The following SLC27A6 variants were observed in gnomAD, a reference collection of about 807,000 sequenced individuals.
SLC27A6 encodes the protein long-chain fatty acid transport protein 6.
Under a neutral mutation model 63.9 loss-of-function variants are expected in SLC27A6, and 74 were observed. The ratio of observed to expected loss-of-function variants is 1.16; its 90% CI spans 0.96 to 1.40. The LOEUF is 1.40. SLC27A6 is among the 40% of genes most tolerant of loss of function. The probability of loss-of-function intolerance (pLI) is 0.00; values close to 1 mark genes in which losing one functional copy is unlikely to be tolerated. For missense variants in SLC27A6, 794 were observed against 732.9 expected (o/e 1.08, Z -0.96); for synonymous variants, 287 against 260.8 (o/e 1.10, Z -0.97).
intron 4 of SLC27A6, among the ~76,000 whole-genome samples, chr5:129,006,254 C>A (rs925334514): frequency 6.6e-6 from 1 of 151,244 alleles, no homozygotes; most frequent in African/African-American, 2.4e-5. Flanking sequence ...CCGTGCCCGC[C>A]TAATTTTTTG....
At chr5:129,028,619 C>T (rs1283400768) in intron 8 of SLC27A6, among the ~76,000 whole-genome samples, 177 bp downstream of exon 8, 2 of 149,836 alleles carry the variant, frequency 1.3e-5, no homozygotes, top group African/African-American at 4.9e-5. Flanking sequence ...ATGATCACAT[C>T]AGGGGAAAGG....
At chr5:129,011,698 G>A (rs1283380691) in intron 4 of SLC27A6, among the ~76,000 whole-genome samples, 11 of 152,156 alleles carry the variant, frequency 7.2e-5, no homozygotes, top group Admixed American at 6.5e-4. Context: ...TACATCTGTA[G>A]CATAGGTCTG....
intron 1 of SLC27A6, among the ~76,000 whole-genome samples, chr5:128,972,017 T>C (rs992078098): frequency 6.6e-6 from 1 of 152,190 alleles, no homozygotes; most frequent in Non-Finnish European, 1.5e-5. Flanking sequence ...CTCCTTCACT[T>C]ATGAAGCTTA....
chr5:129,020,986 G>T (rs561358991), intron 5 of SLC27A6, among the ~76,000 whole-genome samples: 3 of 151,860 alleles, frequency 2.0e-5, no homozygotes, highest in African/African-American at 7.2e-5. Context: ...GGTGCCAAAT[G>T]GGGACGCTCA....
chr5:128,970,693 T>C (rs1412792104), intron 1 of SLC27A6, among the ~76,000 whole-genome samples: 2 of 151,240 alleles, frequency 1.3e-5, no homozygotes, highest in East Asian at 1.9e-4. Flanking sequence ...ATTTTGTTGA[T>C]CGTTTCAGAA....
chr5:129,014,920 A>T (rs1045717936), intron 4 of SLC27A6, among the ~76,000 whole-genome samples: 2 of 152,134 alleles, frequency 1.3e-5, no homozygotes, highest in African/African-American at 2.4e-5. Context: ...ACTTCTCTCT[A>T]TTCTTGAGAA....
At chr5:128,986,926 G>T (rs1382835064) in intron 2 of SLC27A6, among the ~76,000 whole-genome samples, 4 of 152,098 alleles carry the variant, frequency 2.6e-5, no homozygotes, top group Admixed American at 6.6e-5. Context: ...TGGGTACCAG[G>T]TACCTCAAAG....
chr5:129,032,234 T>C (rs888200276), intron 9 of SLC27A6, among the ~76,000 whole-genome samples: 2 of 152,008 alleles, frequency 1.3e-5, no homozygotes, highest in African/African-American at 4.8e-5. Context: ...AGTATTTAGG[T>C]CTAACAAATG....
chr5:129,004,655 T>G (rs951408332), intron 4 of SLC27A6, among the ~76,000 whole-genome samples: 2 of 152,172 alleles, frequency 1.3e-5, no homozygotes, highest in Non-Finnish European at 2.9e-5. Context: ...GAATAGAGAT[T>G]TATTCTAAAG....
intron 5 of SLC27A6, 38 bp downstream of exon 5, chr5:129,016,117 G>A (rs1751882951): frequency 2.1e-6 from 3 of 1,450,858 alleles, no homozygotes; most frequent in South Asian, 1.3e-5. Flanking sequence ...AAATACATCG[G>A]TGCGGTGGCT....
chr5:128,992,125 G>C (rs1330854193), intron 4 of SLC27A6, among the ~76,000 whole-genome samples: 1 of 139,636 alleles, frequency 7.2e-6, no homozygotes, highest in East Asian at 2.0e-4. Context: ...TGCCCTACGT[G>C]GGGTGGGGCA....
chr5:128,987,545 A>G (rs761978107), intron 2 of SLC27A6, among the ~76,000 whole-genome samples: 4 of 152,168 alleles, frequency 2.6e-5, no homozygotes, highest in Non-Finnish European at 4.4e-5. Context: ...TAGAGAGGAG[A>G]AATTTTCAAA....
chr5:128,988,367 G>GT (rs2150135610), intron 2 of SLC27A6, among the ~76,000 whole-genome samples: 1 of 152,268 alleles, frequency 6.6e-6, no homozygotes, highest in Admixed American at 6.5e-5. Context: ...ATTACATAGC[G>GT]TTTGAGATAC....
chr5:129,018,058 C>A (rs1041387678), intron 5 of SLC27A6, among the ~76,000 whole-genome samples: 1 of 152,104 alleles, frequency 6.6e-6, no homozygotes, highest in African/African-American at 2.4e-5. Flanking sequence ...TAATCTCTCT[C>A]CTCAGGTGTG....
rs187171718 is a variant in SLC27A6 at position 128,992,600 on chromosome 5, T to C, written c.969+2136T>C. ...TTCCAGATAAATGTTTTACATTTTT[T>C]AAATATTTTTCTCTTCAAGGAGACC... On this transcript the variant is annotated intron_variant, in intron 4 of 9. Transcript: ENST00000262462. Among the ~76,000 whole-genome samples the C allele has an allele frequency of 2.0e-5, 3 of 152,204 alleles. No individual in the cohort carries two copies. In the East Asian group the frequency reaches 5.8e-4, roughly 29 times the overall value.
chr5:128,969,840 C>T (rs996034646), intron 1 of SLC27A6, among the ~76,000 whole-genome samples: 5 of 152,116 alleles, frequency 3.3e-5, no homozygotes, highest in East Asian at 1.9e-4. Context: ...CTGTCTTGTG[C>T]CAGTTTTCAA....
At chr5:128,996,128 A>C (rs1356336547) in intron 4 of SLC27A6, among the ~76,000 whole-genome samples, 1 of 152,214 alleles carries the variant, frequency 6.6e-6, no homozygotes, top group African/African-American at 2.4e-5. Flanking sequence ...TACAAAAGAC[A>C]GGACCTAATT....
rs192963434 is a variant in SLC27A6, at chr5:128,979,196, G to A, written c.482-5937G>A. On this transcript the variant is annotated intron_variant, in intron 1 of 9. Transcript: ENST00000262462. Reference sequence around the variant, plus strand: ...CTTTTGCTCAGGTCTCTTCATTTGAGATTTGTTGTATGGAGGGAAACCCAC... The same window carrying A: ...CTTTTGCTCAGGTCTCTTCATTTGAAATTTGTTGTATGGAGGGAAACCCAC... Among the ~76,000 whole-genome samples the A allele has an allele frequency of 5.4e-4, 82 of 151,420 alleles. 1 individual carries two copies. The highest frequency in any genetic ancestry group is 1.8e-3 in the African/African-American group (75 of 41,436).
chr5:128,988,764 G>C lies in SLC27A6; in HGVS notation c.844+6G>C, dbSNP rs1170945310. On this transcript the variant is annotated splice_donor_region_variant and intron_variant, in intron 3 of 9. Coordinates refer to ENST00000262462, the MANE Select transcript of SLC27A6 (RefSeq NM_001017372.3). ...TTCTGGATGTGTTGAGTTGGGTAAG[G>C]CTTTATTTTCTTTTTGATAAGTTTT... 5.0e-6 allele frequency: 8 copies of C among 1,592,110 alleles called. No homozygotes were observed. Among genetic ancestry groups the C allele is most frequent in the Non-Finnish European group, 6.8e-6 (8 of 1,172,964 alleles).
Sources: gnomAD v4.1 joint callset for allele counts (sites outside exome capture counted in the v4.1 genomes callset) on GRCh38, gnomAD v4.1.1 for gene constraint, MANE v1.5 for transcripts, NCBI Gene and HGNC (gene_info 2026-07-23, HGNC 2026-07-21) for gene names.